Variants in SMAD7 observed in about 807,000 individuals in gnomAD.
SMAD7 encodes MAD (mothers against decapentaplegic, Drosophila) homolog 7.
In SMAD7, 8 loss-of-function variants were observed where a neutral mutation model predicts 38.7. The ratio of observed to expected loss-of-function variants is 0.21; its 90% confidence interval spans 0.12 to 0.37. The LOEUF (loss-of-function observed/expected upper bound fraction) is 0.37. Among genes scored for constraint, SMAD7 ranks in the 10% least tolerant of loss-of-function variants. The probability of loss-of-function intolerance (pLI) is 1.00; values close to 1 mark genes in which losing one functional copy is unlikely to be tolerated. For synonymous variants in SMAD7, 327 were observed against 265.1 expected (o/e 1.23, Z -2.27); for missense variants, 477 against 577.9 (o/e 0.83, Z 1.79).
At chr18:48,940,240 G>A (rs774013239) in intron 3 of SMAD7, among the ~76,000 whole-genome samples, 9 of 152,202 alleles carry the variant, frequency 5.9e-5, no homozygotes, top group Non-Finnish European at 1.2e-4. Flanking sequence ...TAAATCAAGA[G>A]CTGAAATTCA....
chr18:48,929,569 T>TCTCTCTCACA (rs3082710), intron 3 of SMAD7, among the ~76,000 whole-genome samples: 130 of 114,616 alleles, frequency 1.1e-3, no homozygotes, highest in African/African-American at 3.9e-3. Flanking sequence ...TCTCTCTCTC[T>TCTCTCTCACA]CACTCACACA....
rs946735872 is a variant in SMAD7, at chr18:48,920,533, G to C, written c.*839C>G. ...GGAAAAACCTGATGTCACCAGGGCA[G>C]GCAGGGGAGAGGCTGAGGGGAGAGG... is the stretch of plus-strand genomic sequence containing the variant. On this transcript the variant is annotated 3_prime_UTR_variant, in exon 4 of 4. Coordinates refer to ENST00000262158, the MANE Select transcript of SMAD7 (RefSeq NM_005904.4). 6.5e-6 allele frequency: 1 copy of C among 152,792 alleles called. No individual in the cohort carries two copies. Among genetic ancestry groups the C allele is most frequent in the Non-Finnish European group, 1.5e-5 (1 of 68,370 alleles). The allele number at this position is 152,792 out of a possible 1,614,324, so 9.5% of individuals were successfully genotyped here. A position where few individuals can be genotyped will look rare whatever the true frequency, so the allele number is the denominator to read the frequency against.
intron 3 of SMAD7, among the ~76,000 whole-genome samples, chr18:48,928,441 A>C (rs923061237): frequency 6.6e-6 from 1 of 151,060 alleles, no homozygotes; most frequent in Non-Finnish European, 1.5e-5. Context: ...TCCATCTCTA[A>C]ACCAACTTTT....
chr18:48,950,926 G>C lies in SMAD7; in HGVS notation c.-502C>G, dbSNP rs141316808. Among the ~76,000 whole-genome samples the C allele has an allele frequency of 5.1e-3, 779 of 151,500 alleles. 13 individuals are homozygous for C. Among genetic ancestry groups the C allele is most frequent in the African/African-American group, 0.017 (715 of 41,374 alleles). ...GAAGGAAAAAGCCTCTTTCCCCCTT[G>C]CTAAGCAACTTAATTTGGGGGTGGG... On this transcript the variant is annotated 5_prime_UTR_variant, in exon 1 of 4. Transcript: ENST00000262158.
At chr18:48,926,021 T>C (rs972299942) in intron 3 of SMAD7, among the ~76,000 whole-genome samples, 1 of 152,230 alleles carries the variant, frequency 6.6e-6, no homozygotes, top group African/African-American at 2.4e-5. Flanking sequence ...GCTGGGATTA[T>C]AGGCGTGAGC....
intron 2 of SMAD7, among the ~76,000 whole-genome samples, chr18:48,947,968 T>C (rs1055222511): frequency 1.3e-5 from 2 of 148,738 alleles, no homozygotes; most frequent in African/African-American, 4.9e-5. Context: ...AAAGTCTTCT[T>C]TGCACCTTTT....
In SMAD7 at chr18:48,950,336, C is replaced by T. The variant is rs1252476092; in HGVS notation, c.89G>A (p.Gly30Glu). 1.3e-6 allele frequency: 2 copies of T among 1,540,588 alleles called. No individual in the cohort carries two copies. The highest frequency in any genetic ancestry group is 1.7e-6 in the Non-Finnish European group (2 of 1,142,974). Residue 30 changes from glycine to glutamate, a missense_variant, in exon 1 of 4, where the codon GGA becomes GAA. Gly to Glu is a moderately conservative substitution (Grantham distance 98). Coordinates refer to ENST00000262158, the MANE Select transcript of SMAD7 (RefSeq NM_005904.4). ...CCGCAGCTCGCCTCCTCCTCCACCT[C>T]CCCCTGCGCCCTCCTCCTCGTCCTC... ...GGEDEEEGAGGGGGGGELRGE... is the reference protein window; with the variant it reads ...GGEDEEEGAGEGGGGGELRGE...
rs1414231456 is a variant in SMAD7 at position 48,931,316 on chromosome 18, A to G, written c.743-9406T>C. Among the ~76,000 whole-genome samples, 4 of 152,312 alleles carry G rather than the reference A, an allele frequency of 2.6e-5. No individual in the cohort carries two copies. In the East Asian group the frequency reaches 5.8e-4, roughly 22 times the overall value. On this transcript the variant is annotated intron_variant, in intron 3 of 3. Transcript: ENST00000262158. ...AAAAATTGTTAATATGGTATATTTT[A>G]TGTATATTTTACCACAATAAAAGAA...
At chr18:48,928,070 CT>C (rs1157494677) in intron 3 of SMAD7, among the ~76,000 whole-genome samples, 2 of 152,242 alleles carry the variant, frequency 1.3e-5, no homozygotes, top group Non-Finnish European at 2.9e-5. Flanking sequence ...GCTTTTAGAG[CT>C]GCGCATGGGG....
intron 2 of SMAD7, among the ~76,000 whole-genome samples, chr18:48,945,463 A>T (rs574804445): frequency 6.6e-6 from 1 of 152,144 alleles, no homozygotes; most frequent in African/African-American, 2.4e-5. Flanking sequence ...TGTCTCGGAA[A>T]AAAAAAGAAC....
chr18:48,931,049 A>T (rs1473852569), intron 3 of SMAD7, among the ~76,000 whole-genome samples: 1 of 152,204 alleles, frequency 6.6e-6, no homozygotes, highest in Middle Eastern at 3.2e-3. Flanking sequence ...TGTTAAGTGA[A>T]ATAAGCCGAT....
chr18:48,940,921 C>G (rs895853725), intron 3 of SMAD7, among the ~76,000 whole-genome samples: 3 of 152,112 alleles, frequency 2.0e-5, no homozygotes, highest in Admixed American at 1.3e-4. Context: ...TCGTCATTTC[C>G]TCCGGCAGGG....
chr18:48,922,453 G>T (rs530328229), intron 3 of SMAD7, among the ~76,000 whole-genome samples: 24 of 152,200 alleles, frequency 1.6e-4, no homozygotes, highest in Non-Finnish European at 3.2e-4. Context: ...CCTATGCGAT[G>T]GTCTCTGGGT....
intron 3 of SMAD7, among the ~76,000 whole-genome samples, chr18:48,929,694 C>T (rs1210148082): frequency 1.3e-5 from 2 of 151,978 alleles, no homozygotes; most frequent in African/African-American, 4.8e-5. Context: ...CAGTTTTTCC[C>T]TGGTTTTGCA....
At chr18:48,943,961 C>T (rs541040661) in intron 2 of SMAD7, among the ~76,000 whole-genome samples, 11 of 152,056 alleles carry the variant, frequency 7.2e-5, no homozygotes, top group South Asian at 2.1e-4. Flanking sequence ...TGGAGGCAGG[C>T]GTGGGGGTGA....
rs80132822 is a variant in SMAD7, at chr18:48,944,873, A to T, written c.668-2318T>A. On this transcript the variant is annotated intron_variant, in intron 2 of 3. Coordinates refer to ENST00000262158, the MANE Select transcript of SMAD7 (RefSeq NM_005904.4). ...ACTCACGCAACACTAAGTGTTATCA[A>T]GCACTTGGTAAGCACTAGGTTCTGC... Among the ~76,000 whole-genome samples the T allele has an allele frequency of 6.4e-3, 975 of 152,356 alleles. 3 individuals carry two copies. Among genetic ancestry groups the T allele is most frequent in the Non-Finnish European group, 9.7e-3 (663 of 68,034 alleles).
rs1181012283 is a variant in SMAD7 at position 48,950,179 on chromosome 18, G to A, written c.246C>T (p.Ala82=). ...HHHPHPPAAG[A]GAAGGAEADL... ...CCGCCTCGGCGCCCCCGGCCGCGCC[G>A]GCGCCCGCGGCTGGCGGGTGGGGAT... Residue 82 remains alanine, a synonymous_variant, in exon 1 of 4, where the codon GCC becomes GCT. Coordinates refer to ENST00000262158, the MANE Select transcript of SMAD7 (RefSeq NM_005904.4). 4 of 1,482,110 alleles carry A rather than the reference G, an allele frequency of 2.7e-6. No individual in the cohort carries two copies. The highest frequency in any genetic ancestry group is 2.9e-5 in the East Asian group (1 of 34,180). The allele number at this position is 1,482,110 out of a possible 1,614,324, so 91.8% of individuals were successfully genotyped here. A position where few individuals can be genotyped will look rare whatever the true frequency, so the allele number is the denominator to read the frequency against.
intron 3 of SMAD7, among the ~76,000 whole-genome samples, chr18:48,938,941 G>A (rs547744176): frequency 6.6e-6 from 1 of 152,256 alleles, no homozygotes; most frequent in East Asian, 1.9e-4. Flanking sequence ...CCATCCCAGA[G>A]AGTCAGGCAC....
At position 48,923,738 on chromosome 18, in the gene SMAD7, AC is replaced by A. The variant is rs772730999; in HGVS notation, c.743-1829del. On this transcript the variant is annotated intron_variant, in intron 3 of 3. Transcript: ENST00000262158. ...AACACCAGAAAACTGGCCGGTCACC[AC>A]CCCCCATGTAGCTTGGAAGTCCAGT... Among the ~76,000 whole-genome samples the A allele has an allele frequency of 4.6e-5, 7 of 151,350 alleles. No homozygotes were observed. The South Asian group carries it at 1.1e-3, about 23-fold the overall frequency.
Sources: gnomAD v4.1 joint callset for allele counts (sites outside exome capture counted in the v4.1 genomes callset) on GRCh38, gnomAD v4.1.1 for gene constraint, MANE v1.5 for transcripts, NCBI Gene and HGNC (gene_info 2026-07-23, HGNC 2026-07-21) for gene names.